Variants in ITSN1 observed in about 807,000 individuals in gnomAD.
ITSN1 encodes intersectin 1, also known as intersectin-1.
A neutral mutation model predicts 239.8 loss-of-function variants in ITSN1; 58 were observed. That is an observed-to-expected ratio of 0.24 (90% confidence interval 0.20 to 0.30). The LOEUF (loss-of-function observed/expected upper bound fraction) is 0.30, where lower values mean the gene tolerates loss of function less well. ITSN1 is among the 10% of genes least tolerant of loss of function. ITSN1 has a pLI of 1.00. For missense variants in ITSN1, 1,558 were observed against 2,103.3 expected (o/e 0.74, Z 5.07); for synonymous variants, 780 against 770.8 (o/e 1.01, Z -0.20).
chr21:33,885,560 T>C, intron 38 of ITSN1, 38 bp downstream of exon 38: 1 of 1,560,916 alleles, frequency 6.4e-7, no homozygotes, highest in Non-Finnish European at 8.8e-7. Flanking sequence ...TGCTTTGGGG[T>C]TGGGAGTAGG....
chr21:33,744,842 T>C (rs922632721), intron 5 of ITSN1, among the ~76,000 whole-genome samples: 10 of 152,232 alleles, frequency 6.6e-5, no homozygotes, highest in African/African-American at 2.4e-4. Context: ...GATTTAATAA[T>C]GTATTTAACA....
At position 33,836,484 on chromosome 21, in the gene ITSN1, C is replaced by T. The variant is rs749442387; in HGVS notation, c.3513C>T (p.Asp1171=). The change falls in exon 29 of 40, where the codon GAC becomes GAT. Residue 1171 remains aspartate, a synonymous_variant. Coordinates refer to ENST00000381318, the MANE Select transcript of ITSN1 (RefSeq NM_003024.3). ...TGTACGACTACACCGCGCAGAATGACGATGAGCTGGCCTTCAACAAGGGCC... is the reference window on the plus strand; with the variant it reads ...TGTACGACTACACCGCGCAGAATGATGATGAGCTGGCCTTCAACAAGGGCC... ...IGMYDYTAQN[D]DELAFNKGQI... is the part of the protein sequence containing the mutation. The T allele has an allele frequency of 7.7e-5, 124 of 1,613,642 alleles. No homozygotes were observed. Among genetic ancestry groups the T allele is most frequent in the South Asian group, 3.0e-4 (27 of 90,996 alleles).
Position 33,843,296 on chromosome 21 carries a change from A to C in ITSN1, c.3661+6664A>C, listed in dbSNP as rs76787576. ...TGGCTGCATCTTTGGAAAGATCGGGAAGGGGCCCCTCTTGCCTCATGTGAT... is the reference window on the plus strand; with the variant it reads ...TGGCTGCATCTTTGGAAAGATCGGGCAGGGGCCCCTCTTGCCTCATGTGAT... On this transcript the variant is annotated intron_variant, in intron 29 of 39. Coordinates refer to ENST00000381318, the MANE Select transcript of ITSN1 (RefSeq NM_003024.3). Among the ~76,000 whole-genome samples the C allele has an allele frequency of 5.8e-3, 877 of 152,224 alleles. 21 individuals are homozygous for C. The highest frequency in any genetic ancestry group is 0.055 in the East Asian group (285 of 5,184).
intron 8 of ITSN1, among the ~76,000 whole-genome samples, chr21:33,758,632 CAA>C (rs1298804791): frequency 6.6e-6 from 1 of 152,202 alleles, no homozygotes; most frequent in Non-Finnish European, 1.5e-5. Context: ...CCCTTCTTCT[CAA>C]AGAGGTATTT....
intron 5 of ITSN1, among the ~76,000 whole-genome samples, chr21:33,744,980 A>G (rs1219967506): frequency 6.6e-6 from 1 of 152,264 alleles, no homozygotes; most frequent in Non-Finnish European, 1.5e-5. Context: ...CAACTAGTAT[A>G]TCCTCATTAG....
intron 33 of ITSN1, among the ~76,000 whole-genome samples, chr21:33,873,691 C>T (rs1211568360): frequency 6.6e-5 from 10 of 150,578 alleles, no homozygotes; most frequent in African/African-American, 2.0e-4. Context: ...GCCAACATGG[C>T]GAGACCCCCG....
intron 18 of ITSN1, among the ~76,000 whole-genome samples, chr21:33,799,607 C>G (rs949424633): frequency 1.3e-5 from 2 of 151,532 alleles, no homozygotes; most frequent in Admixed American, 1.3e-4. Context: ...AATGAACTCT[C>G]TCATGGGTTT....
Position 33,719,373 on chromosome 21 carries a change from G to A in ITSN1, c.28+517G>A, listed in dbSNP as rs570360107. 5.3e-5 allele frequency among the ~76,000 whole-genome samples: 8 copies of A among 152,236 alleles called. No homozygotes were observed. The South Asian group carries it at 8.3e-4, about 16-fold the overall frequency. ...GGAGAATGACATGAACCCGGGAGGC[G>A]GAGGTTGCAGTGAGCCGAGGTCGCA... On this transcript the variant is annotated intron_variant, in intron 2 of 39. Transcript: ENST00000381318.
chr21:33,696,456 G>A (rs779596547), intron 1 of ITSN1, among the ~76,000 whole-genome samples: 7 of 152,194 alleles, frequency 4.6e-5, no homozygotes, highest in Non-Finnish European at 8.8e-5. Context: ...CTGTGAAGAT[G>A]TCATACATGT....
At chr21:33,823,428 G>A in intron 24 of ITSN1, 59 bp from the exon 25 acceptor site, 2 of 1,498,602 alleles carry the variant, frequency 1.3e-6, no homozygotes, top group South Asian at 1.2e-5. Context: ...TTGCAAAGCT[G>A]TCTGGGATTT....
rs1379018708 is a variant in ITSN1, at chr21:33,888,487, C to G, written c.*187C>G. The G allele has an allele frequency of 1.7e-6, 1 of 603,752 alleles. No individual in the cohort carries two copies. The highest frequency in any genetic ancestry group is 2.8e-6 in the Non-Finnish European group (1 of 352,616). The allele number at this position is 603,752 out of a possible 1,614,324, so 37.4% of individuals were successfully genotyped here. On this transcript the variant is annotated 3_prime_UTR_variant, in exon 40 of 40. Transcript: ENST00000381318. Reference sequence around the variant, plus strand: ...AATCCTCCCTGCCCCGAAACAATTTCCTGTTTCATGAAACAAAGCTGTGTT... The same window carrying G: ...AATCCTCCCTGCCCCGAAACAATTTGCTGTTTCATGAAACAAAGCTGTGTT...
At chr21:33,753,371 C>G (rs978958746) in intron 7 of ITSN1, among the ~76,000 whole-genome samples, 6 of 152,198 alleles carry the variant, frequency 3.9e-5, no homozygotes, top group African/African-American at 1.4e-4. Context: ...GGAAGCACAC[C>G]CAGAGAAGCT....
In ITSN1 at chr21:33,856,721, G is replaced by T; in HGVS notation, c.3662-15G>T. The T allele has an allele frequency of 6.2e-7, 1 of 1,612,310 alleles. No homozygotes were observed. Among genetic ancestry groups the T allele is most frequent in the South Asian group, 1.1e-5 (1 of 90,984 alleles). ...CAGACTGTGCTAAGTTCTCCCAAAT[G>T]GTTGTGTTTTCCAGGGTGTTCAGAC... On this transcript the variant is annotated splice_polypyrimidine_tract_variant and intron_variant, in intron 29 of 39. Coordinates refer to ENST00000381318, the MANE Select transcript of ITSN1 (RefSeq NM_003024.3).
At chr21:33,748,742 G>C (rs935971284) in intron 5 of ITSN1, among the ~76,000 whole-genome samples, 1 of 151,692 alleles carries the variant, frequency 6.6e-6, no homozygotes, top group African/African-American at 2.4e-5. Context: ...ATGCACACCT[G>C]TGGTTCCAGC....
chr21:33,715,840 C>A (rs1292158722), intron 1 of ITSN1, among the ~76,000 whole-genome samples: 1 of 152,120 alleles, frequency 6.6e-6, no homozygotes, highest in African/African-American at 2.4e-5. Context: ...ATTGCTTGAA[C>A]CCAGGAGGTG....
chr21:33,878,004 CTCTTTG>C (rs1984251013), intron 34 of ITSN1, among the ~76,000 whole-genome samples: 1 of 120,504 alleles, frequency 8.3e-6, no homozygotes, highest in African/African-American at 3.2e-5. Context: ...CTTTCTCTCT[CTCTTTG>C]TGTGTGTGTG....
Position 33,700,973 on chromosome 21 carries a change from G to GTGTGTC in ITSN1, c.-32-17819_-32-17818insCTGTGT, listed in dbSNP as rs1555878692. On this transcript the variant is annotated intron_variant, in intron 1 of 39. Transcript: ENST00000381318. ...TTTCTGTGTGTGTGTGTGTGTGTGT[G>GTGTGTC]TGTGTGTGTGTGTGTGTTTTCTTAT... 1.6e-3 allele frequency among the ~76,000 whole-genome samples: 248 copies of GTGTGTC among 151,548 alleles called. 1 individual carries two copies. Among genetic ancestry groups the GTGTGTC allele is most frequent in the African/African-American group, 5.9e-3 (245 of 41,242 alleles).
rs923200436 is a variant in ITSN1, at chr21:33,833,871, C to CAA, written c.3352-419_3352-418dup. 1.4e-3 allele frequency among the ~76,000 whole-genome samples: 85 copies of CAA among 61,190 alleles called. 1 individual carries two copies. Among genetic ancestry groups the CAA allele is most frequent in the Middle Eastern group, 0.012 (1 of 86 alleles). The allele number at this position is 61,190 out of a possible 152,430, so 40.1% of individuals were successfully genotyped here. ...GGGGTGACAGAGCGAGACTCCGTCTCAAAAAAAAAAAAAAAAAAGAAGTAC... is the reference window on the plus strand; with the variant it reads ...GGGGTGACAGAGCGAGACTCCGTCTCAAAAAAAAAAAAAAAAAAAAGAAGTAC... On this transcript the variant is annotated intron_variant, in intron 27 of 39. Coordinates refer to ENST00000381318, the MANE Select transcript of ITSN1 (RefSeq NM_003024.3).
At chr21:33,810,935 G>A (rs771499230) in intron 20 of ITSN1, 40 bp from the exon 21 acceptor site, 1 of 1,613,884 alleles carries the variant, frequency 6.2e-7, no homozygotes, top group South Asian at 1.1e-5. Context: ...CTATTCAGGG[G>A]TTAATTTAGT....
Sources: allele counts gnomAD v4.1 joint callset (sites outside exome capture counted in the v4.1 genomes callset), GRCh38; gene constraint gnomAD v4.1.1; transcripts MANE v1.5; gene names NCBI Gene and HGNC (gene_info 2026-07-23, HGNC 2026-07-21).